DNAH5: variants seen among roughly 807,000 people sequenced by gnomAD.
DNAH5 encodes dynein axonemal heavy chain 5, also known as axonemal beta dynein heavy chain 5.
Under a neutral mutation model 518.2 loss-of-function variants are expected in DNAH5, and 372 were observed. The ratio of observed to expected loss-of-function variants is 0.72; its 90% CI spans 0.66 to 0.78. The LOEUF is 0.78. Ranked by LOEUF, DNAH5 falls within the 30% of genes least tolerant of loss-of-function variation. The pLI, the probability that DNAH5 is intolerant of heterozygous loss-of-function variation, is 0.00. For missense variants in DNAH5, 5,523 were observed against 5,687.0 expected (o/e 0.97, Z 0.93); for synonymous variants, 2,039 against 2,025.9 (o/e 1.01, Z -0.17).
Position 13,842,433 on chromosome 5 carries a change from A to AAGAGAGAGAGAGAGAGAGAGAGAGAG in DNAH5, c.5272-530_5272-529insCTCTCTCTCTCTCTCTCTCTCTCTCT, listed in dbSNP as rs756093950. On this transcript the variant is annotated intron_variant, in intron 32 of 78. Transcript: ENST00000265104. ...GAAAGAAAAGAAAAGAAAAGAAAGA[A>AAGAGAGAGAGAGAGAGAGAGAGAGAG]AGAAAGAAAGAAAGAAAGAAAGAAA... is the stretch of plus-strand genomic sequence containing the variant. Among the ~76,000 whole-genome samples, 279 of 61,890 alleles carry AAGAGAGAGAGAGAGAGAGAGAGAGAG rather than the reference A, an allele frequency of 4.5e-3. 33 individuals carry two copies. Among genetic ancestry groups the AAGAGAGAGAGAGAGAGAGAGAGAGAG allele is most frequent in the Middle Eastern group, 0.013 (2 of 156 alleles). The allele number at this position is 61,890 out of a possible 152,430, so 40.6% of individuals were successfully genotyped here. A position where few individuals can be genotyped will look rare whatever the true frequency, so the allele number is the denominator to read the frequency against.
intron 1 of DNAH5, among the ~76,000 whole-genome samples, chr5:13,943,777 T>G (rs952134658): frequency 1.3e-5 from 2 of 152,212 alleles, no homozygotes; most frequent in African/African-American, 4.8e-5. Flanking sequence ...GGTTAATGGT[T>G]GAGAACTGAG....
At chr5:13,964,138 T>C (rs1207993402) in intron 1 of DNAH5, among the ~76,000 whole-genome samples, 1 of 152,242 alleles carries the variant, frequency 6.6e-6, no homozygotes, top group African/African-American at 2.4e-5. Flanking sequence ...AGTAAAACTG[T>C]AAATAAAGCT....
rs1212060373 is a variant in DNAH5 at position 13,785,206 on chromosome 5, C to T, written c.8820+973G>A. ...TCAGGCATTCCATTCTCATAAGGAG[C>T]GTGCAACTAGATCCTTCACATGAGC... On this transcript the variant is annotated intron_variant, in intron 52 of 78. Transcript: ENST00000265104. Among the ~76,000 whole-genome samples the T allele has an allele frequency of 2.0e-5, 3 of 151,858 alleles. No homozygotes were observed. The East Asian group carries it at 5.8e-4, about 29-fold the overall frequency.
chr5:13,966,162 A>G (rs762945676), intron 1 of DNAH5, among the ~76,000 whole-genome samples: 2 of 152,082 alleles, frequency 1.3e-5, no homozygotes, highest in Non-Finnish European at 2.9e-5. Flanking sequence ...TGCAAATGCC[A>G]TTATTTTGTT....
chr5:13,913,306 A>C (rs1776244634), intron 11 of DNAH5, among the ~76,000 whole-genome samples: 1 of 152,100 alleles, frequency 6.6e-6, no homozygotes, highest in African/African-American at 2.4e-5. Flanking sequence ...GAATAAAATC[A>C]GGTCCTTTAT....
intron 32 of DNAH5, among the ~76,000 whole-genome samples, chr5:13,842,429 A>AAGAGAGAGAGAGAGAGAGAGAGAG (rs1464737735): frequency 1.1e-4 from 6 of 55,600 alleles, no homozygotes; most frequent in African/African-American, 4.6e-4. Context: ...AAAGAAAAGA[A>AAGAGAGAGAGAGAGAGAGAGAGAG]AGAAAGAAAG....
Position 13,866,238 on chromosome 5 carries a change from G to C in DNAH5, c.4098C>G (p.Asp1366Glu). Reference sequence around the variant, plus strand: ...AGATTACCTGAAACATGATAAGCCTGTCACTGGCTTCCTGGGGCTTCAAGC... The same window carrying C: ...AGATTACCTGAAACATGATAAGCCTCTCACTGGCTTCCTGGGGCTTCAAGC... The part of the protein sequence containing the change: ...ASGLKPQEAS[D>E]RLIMFQNQFD... Residue 1366 changes from aspartate (D) to glutamate (E), a missense_variant, in exon 26 of 79, where the codon GAC becomes GAG. Around this residue, in one of 3 missense-constraint regions of DNAH5, gnomAD observed 5,121 missense variants for 5,223.3 expected, o/e 0.98. Transcript: ENST00000265104. 1 of 1,613,622 alleles carries C rather than the reference G, an allele frequency of 6.2e-7. No individual in the cohort carries two copies. The highest frequency in any genetic ancestry group is 1.7e-5 in the Admixed American group (1 of 59,974).
upstream of DNAH5, among the ~76,000 whole-genome samples, chr5:13,944,772 G>A (rs924461156): frequency 6.6e-6 from 1 of 152,026 alleles, no homozygotes; most frequent in Non-Finnish European, 1.5e-5. Context: ...TTAACTGCTC[G>A]GTAGCAACAC....
intron 53 of DNAH5, 88 bp downstream of exon 53, chr5:13,780,741 G>A: frequency 7.0e-7 from 1 of 1,423,534 alleles, no homozygotes; most frequent in Non-Finnish European, 9.9e-7. Context: ...CTCTTTATAT[G>A]TAAGAGAAAT....
rs185212802 is a variant in DNAH5, at chr5:13,735,827, G to A, written c.11561C>T (p.Ser3854Phe). 3 of 1,613,978 alleles carry A rather than the reference G, an allele frequency of 1.9e-6. No individual in the cohort carries two copies. The highest frequency in any genetic ancestry group is 2.7e-5 in the African/African-American group (2 of 75,044). ...LRQFLGLFDL[S>F]LARSVKSPIT... The stretch of plus-strand genomic sequence containing the variant: ...CCGCGTACAGACGTACCTGGCTAAG[G>A]AAAGGTCAAATAAGCCCAGAAACTG... Residue 3854 changes from serine (S) to phenylalanine (F), a missense_variant, in exon 67 of 79, where the codon TCC becomes TTC. Ser to Phe is a radical substitution (Grantham distance 155). This residue lies in a region of DNAH5 where 5,121 missense variants were observed against 5,223.3 expected (regional missense o/e 0.98). Coordinates refer to ENST00000265104, the MANE Select transcript of DNAH5 (RefSeq NM_001369.3).
chr5:13,862,644 G>A lies in DNAH5; in HGVS notation c.4700C>T (p.Thr1567Ile), dbSNP rs773418665. 2.5e-6 allele frequency: 4 copies of A among 1,613,974 alleles called. No individual in the cohort carries two copies. The highest frequency in any genetic ancestry group is 2.2e-5 in the South Asian group (2 of 91,076). Residue 1567 changes from threonine to isoleucine, a missense_variant, in exon 29 of 79, where the codon ACC becomes ATC. By Grantham distance (89) the Thr-to-Ile change is moderately conservative (BLOSUM62 -1). Around this residue, in one of 3 missense-constraint regions of DNAH5, gnomAD observed 5,121 missense variants for 5,223.3 expected, o/e 0.98. Transcript: ENST00000265104. Reference sequence around the variant, plus strand: ...TCCTCTCAAGAGGAGCTCTCCACGGGTTTTAAAGCTGCCGAAGGTGAATGT... The same window carrying A: ...TCCTCTCAAGAGGAGCTCTCCACGGATTTTAAAGCTGCCGAAGGTGAATGT... ...NKTFTFGSFK[T>I]RGELLLRGDS...
exon 1 of DNAH5, among the ~76,000 whole-genome samples, chr5:14,011,767 C>G (rs1164292030): frequency 2.0e-5 from 3 of 152,172 alleles, no homozygotes; most frequent in African/African-American, 7.2e-5. Flanking sequence ...GGAGTCCGCT[C>G]AGGCCGCCCG....
intron 21 of DNAH5, among the ~76,000 whole-genome samples, chr5:13,880,902 C>T (rs1396462832): frequency 6.6e-6 from 1 of 151,690 alleles, no homozygotes; most frequent in Non-Finnish European, 1.5e-5. Context: ...AACTAAAAGA[C>T]CACAAAAAAA....
chr5:13,892,398 G>A (rs1450122173), intron 16 of DNAH5, among the ~76,000 whole-genome samples: 1 of 152,176 alleles, frequency 6.6e-6, no homozygotes, highest in Admixed American at 6.5e-5. Context: ...AATGTGCAGA[G>A]TGTCCCAGAT....
At chr5:13,779,840 A>G (rs1330260057) in intron 53 of DNAH5, among the ~76,000 whole-genome samples, 1 of 152,020 alleles carries the variant, frequency 6.6e-6, no homozygotes, top group Non-Finnish European at 1.5e-5. Context: ...CTCCATTCTC[A>G]CTGCTGCCAC....
At chr5:13,971,184 A>AT (rs201389161) in intron 1 of DNAH5, among the ~76,000 whole-genome samples, 1,801 of 151,634 alleles carry the variant, frequency 0.012, 15 homozygotes, top group Middle Eastern at 0.044. Flanking sequence ...ATCCTGTATC[A>AT]TTTTTTTATT....
rs558647251 is a variant in DNAH5 at position 13,896,096 on chromosome 5, A to C, written c.2260-1275T>G. Among the ~76,000 whole-genome samples the C allele has an allele frequency of 3.9e-5, 6 of 152,044 alleles. No individual in the cohort carries two copies. The South Asian group carries it at 1.2e-3, about 32-fold the overall frequency. On this transcript the variant is annotated intron_variant, in intron 15 of 78. Coordinates refer to ENST00000265104, the MANE Select transcript of DNAH5 (RefSeq NM_001369.3). ...ACTGTAAATGTGGAAAGCAAGTCAG[A>C]TCCTGCTTCCACTCACCCTCCCAAT...
chr5:13,751,253 A>T lies in DNAH5; in HGVS notation c.11036T>A (p.Val3679Asp), dbSNP rs761858532. 3.7e-6 allele frequency: 6 copies of T among 1,613,298 alleles called. No individual in the cohort carries two copies. Among genetic ancestry groups the T allele is most frequent in the Non-Finnish European group, 5.1e-6 (6 of 1,179,798 alleles). The change falls in exon 65 of 79, where the codon GTT (valine) becomes GAT (aspartate). Residue 3679 changes from valine to aspartate, a missense_variant. Val to Asp is a radical substitution (Grantham distance 152, BLOSUM62 -3). This residue lies in a region of DNAH5 where 5,121 missense variants were observed against 5,223.3 expected (regional missense o/e 0.98). Coordinates refer to ENST00000265104, the MANE Select transcript of DNAH5 (RefSeq NM_001369.3). ...IKTGSTFKVKVGDKEVDVLDG... is the reference protein window; with the variant it reads ...IKTGSTFKVKDGDKEVDVLDG... ...CAACACATCTACTTCCTTGTCACCA[A>T]CTTTCACCTTTTTTATAAAAAGAAA...
At chr5:13,856,232 A>G (rs954339397) in intron 30 of DNAH5, among the ~76,000 whole-genome samples, 3 of 152,224 alleles carry the variant, frequency 2.0e-5, no homozygotes, top group African/African-American at 7.2e-5. Flanking sequence ...AAAGATCAAC[A>G]AAACAGATAG....
Sources: allele counts gnomAD v4.1 joint callset (sites outside exome capture counted in the v4.1 genomes callset), GRCh38; gene constraint gnomAD v4.1.1; regional missense constraint gnomAD v4.1.1; transcripts MANE v1.5; gene names NCBI Gene and HGNC (gene_info 2026-07-23, HGNC 2026-07-21).